The following MRPL21 variants were observed in gnomAD, a reference collection of about 807,000 sequenced individuals.
MRPL21 encodes the protein large ribosomal subunit protein bL21m.
Under a neutral mutation model 27.3 loss-of-function variants are expected in MRPL21, and 20 were observed. That is an observed-to-expected ratio of 0.73 (90% CI 0.52 to 1.06). The LOEUF (loss-of-function observed/expected upper bound fraction) is 1.06. MRPL21 is among the 50% of genes least tolerant of loss of function. The pLI is 0.00. For synonymous variants in MRPL21, 98 were observed against 101.5 expected (o/e 0.97, Z 0.21); for missense variants, 249 against 251.4 (o/e 0.99, Z 0.06).
Position 68,891,975 on chromosome 11 carries a change from A to ACAC in MRPL21, c.554-583_554-581dup, listed in dbSNP as rs565895037. 1.5e-4 allele frequency: 123 copies of ACAC among 835,412 alleles called. No homozygotes were observed. In the South Asian group the frequency reaches 1.9e-3, roughly 13 times the overall value. The allele number at this position is 835,412 out of a possible 1,614,324, so 51.7% of individuals were successfully genotyped here. ...AGTGCAGACCTGCTAGGACAGCCCT[A>ACAC]CACCTGCTTGCGGATTCACTGCTGC... On this transcript the variant is annotated intron_variant, in intron 6 of 6. Transcript: ENST00000362034.
At position 68,896,664 on chromosome 11, in the gene MRPL21, C is replaced by A. The variant is rs759410925; in HGVS notation, c.247G>T (p.Val83Leu). ...TRHHAEVVKK[V>L]NEMIVTGQYG... ...TGCCCCGTGACGATCATCTCATTCACCTTCTTCACGACCTCTGCAGGGGAA... is the reference window on the plus strand; with the variant it reads ...TGCCCCGTGACGATCATCTCATTCAACTTCTTCACGACCTCTGCAGGGGAA... Residue 83 changes from valine to leucine, a missense_variant, in exon 4 of 7, where the codon GTG becomes TTG. Val to Leu is a conservative substitution (Grantham distance 32). Transcript: ENST00000362034. The A allele has an allele frequency of 4.3e-6, 7 of 1,614,106 alleles. No individual in the cohort carries two copies. Among genetic ancestry groups the A allele is most frequent in the South Asian group, 1.1e-5 (1 of 91,086 alleles).
chr11:68,899,097 C>A (rs1857873500), intron 2 of MRPL21, among the ~76,000 whole-genome samples: 1 of 152,062 alleles, frequency 6.6e-6, no homozygotes. Context: ...CCAAGATCTT[C>A]TTCATTTCCT....
At chr11:68,894,241 G>T (rs982898641) in intron 4 of MRPL21, among the ~76,000 whole-genome samples, 1 of 152,100 alleles carries the variant, frequency 6.6e-6, no homozygotes, top group East Asian at 1.9e-4. Flanking sequence ...CACCAAGTGT[G>T]GCTGCAGATG....
intron 4 of MRPL21, 38 bp from the exon 5 acceptor site, chr11:68,893,493 T>C (rs562839098): frequency 1.2e-6 from 2 of 1,613,838 alleles, no homozygotes; most frequent in South Asian, 1.1e-5. Context: ...CAGTGGCTCA[T>C]TACGATGAGT....
chr11:68,896,773 T>C, intron 3 of MRPL21, 95 bp from the exon 4 acceptor site: 2 of 1,525,922 alleles, frequency 1.3e-6, no homozygotes, highest in Admixed American at 1.7e-5. Context: ...GGCCCTAGGG[T>C]GGACCTGACA....
intron 1 of MRPL21, among the ~76,000 whole-genome samples, chr11:68,902,538 A>T (rs1857976914): frequency 6.6e-6 from 1 of 152,244 alleles, no homozygotes; most frequent in African/African-American, 2.4e-5. Context: ...AATTGAGTGG[A>T]AGGTACAGAG....
chr11:68,891,954 C>T (rs1007383094), intron 6 of MRPL21: 3 of 693,772 alleles, frequency 4.3e-6, no homozygotes, highest in Admixed American at 3.7e-5. Context: ...GTCCTCAGTG[C>T]AGACCTGCTA....
chr11:68,900,644 A>C (rs774903036), intron 1 of MRPL21, 39 bp from the exon 2 acceptor site: 11 of 1,557,246 alleles, frequency 7.1e-6, no homozygotes, highest in Non-Finnish European at 8.9e-6. Context: ...TACCATTAAT[A>C]CTACAAATGC....
intron 2 of MRPL21, among the ~76,000 whole-genome samples, chr11:68,898,497 C>T (rs1404653626): frequency 6.6e-6 from 1 of 152,250 alleles, no homozygotes; most frequent in East Asian, 1.9e-4. Flanking sequence ...TGCTCCACCT[C>T]CACCTCCTCC....
At chr11:68,900,016 C>A (rs1010086772) in intron 2 of MRPL21, among the ~76,000 whole-genome samples, 1 of 152,216 alleles carries the variant, frequency 6.6e-6, no homozygotes, top group South Asian at 2.1e-4. Context: ...AACTGCTATC[C>A]CTGCACTGCT....
At chr11:68,903,681 C>T (rs1858036771) in intron 1 of MRPL21, 42 bp downstream of exon 1, 2 of 1,601,198 alleles carry the variant, frequency 1.2e-6, no homozygotes, top group Non-Finnish European at 1.7e-6. Context: ...GGGAGCAGCG[C>T]TCGCTCTGCG....
intron 1 of MRPL21, among the ~76,000 whole-genome samples, chr11:68,901,415 A>G (rs1185661717): frequency 6.6e-6 from 1 of 152,232 alleles, no homozygotes; most frequent in Non-Finnish European, 1.5e-5. Context: ...TACACCAGGA[A>G]ACAAAGACAT....
At chr11:68,900,223 G>C (rs1857901378) in intron 2 of MRPL21, among the ~76,000 whole-genome samples, 1 of 152,190 alleles carries the variant, frequency 6.6e-6, no homozygotes, top group Admixed American at 6.5e-5. Flanking sequence ...TAATAAAAGA[G>C]AGCAAACACA....
chr11:68,898,147 C>T, intron 2 of MRPL21, 135 bp from the exon 3 acceptor site: 1 of 724,616 alleles, frequency 1.4e-6, no homozygotes, highest in East Asian at 2.7e-5. Flanking sequence ...ACAGGCCCCG[C>T]CCCTCTGGGG....
At chr11:68,895,412 G>A (rs1347528346) in intron 4 of MRPL21, among the ~76,000 whole-genome samples, 1 of 152,120 alleles carries the variant, frequency 6.6e-6, no homozygotes, top group Non-Finnish European at 1.5e-5. Flanking sequence ...CGCTTTGGGA[G>A]GCCAAGGCAG....
intron 4 of MRPL21, among the ~76,000 whole-genome samples, chr11:68,895,020 T>C (rs1404732995): frequency 6.6e-6 from 1 of 152,050 alleles, no homozygotes; most frequent in African/African-American, 2.4e-5. Flanking sequence ...ATCCCAACAC[T>C]GTGGGAGGCC....
intron 2 of MRPL21, among the ~76,000 whole-genome samples, chr11:68,899,339 A>G (rs1211998353): frequency 6.6e-6 from 1 of 152,224 alleles, no homozygotes; most frequent in African/African-American, 2.4e-5. Flanking sequence ...ATTAGGAGGA[A>G]GAAAACGACT....
intron 2 of MRPL21, among the ~76,000 whole-genome samples, chr11:68,898,657 C>T (rs1293407809): frequency 2.6e-5 from 4 of 152,234 alleles, no homozygotes; most frequent in South Asian, 2.1e-4. Flanking sequence ...TATTAGATGG[C>T]TACTGTTCAC....
At chr11:68,900,741 C>T in intron 1 of MRPL21, 136 bp from the exon 2 acceptor site, 1 of 729,142 alleles carries the variant, frequency 1.4e-6, no homozygotes, top group Admixed American at 2.1e-5. Context: ...CACAGAAACA[C>T]CTAGGTGAGC....
Sources: allele counts gnomAD v4.1 joint callset (sites outside exome capture counted in the v4.1 genomes callset), GRCh38; gene constraint gnomAD v4.1.1; transcripts MANE v1.5; gene names NCBI Gene and HGNC (gene_info 2026-07-23, HGNC 2026-07-21).